Variants in APOBEC3G observed in about 807,000 individuals in gnomAD.
APOBEC3G encodes the protein apolipoprotein B mRNA editing enzyme catalytic subunit 3G.
Under a neutral mutation model 50.0 loss-of-function variants are expected in APOBEC3G, and 44 were observed. The ratio of observed to expected loss-of-function variants is 0.88; its 90% CI spans 0.69 to 1.13. The LOEUF (loss-of-function observed/expected upper bound fraction) is 1.13. APOBEC3G is among the 50% of genes most tolerant of loss of function. The probability of loss-of-function intolerance (pLI) is 0.00; values close to 1 mark genes in which losing one functional copy is unlikely to be tolerated. For missense variants in APOBEC3G, 469 were observed against 492.0 expected, an observed-to-expected ratio of 0.95 and a Z score of 0.44; for synonymous variants, 156 against 175.3, an observed-to-expected ratio of 0.89 and a Z score of 0.87.
At chr22:39,078,045 C>T (rs893183675) in intron 1 of APOBEC3G, among the ~76,000 whole-genome samples, 7 of 152,256 alleles carry the variant, frequency 4.6e-5, no homozygotes, top group South Asian at 2.1e-4. Flanking sequence ...GGATCGCCTG[C>T]GGTCAGGAGT....
In APOBEC3G at chr22:39,078,957, G is replaced by T; in HGVS notation, c.43G>T (p.Asp15Tyr). The T allele has an allele frequency of 1.9e-6, 3 of 1,614,114 alleles. No individual in the cohort carries two copies. The highest frequency in any genetic ancestry group is 2.5e-6 in the Non-Finnish European group (3 of 1,179,986). ...FRNTVERMYRDTFSYNFYNRP... is the reference protein window; with the variant it reads ...FRNTVERMYRYTFSYNFYNRP... ...AAACACAGTGGAGCGAATGTATCGA[G>T]ACACATTCTCCTACAACTTTTATAA... Residue 15 changes from aspartate to tyrosine, a missense_variant, in exon 2 of 8, where the codon GAC (aspartate) becomes TAC (tyrosine). Transcript: ENST00000407997.
intron 4 of APOBEC3G, 110 bp from the exon 5 acceptor site, chr22:39,083,621 C>T (rs973305190): frequency 8.5e-6 from 11 of 1,288,414 alleles, no homozygotes; most frequent in African/African-American, 5.0e-5. Context: ...TGTGGGGAGC[C>T]GGGGGAAGGA....
chr22:39,081,165 T>C lies in APOBEC3G; in HGVS notation c.404T>C (p.Leu135Pro). The C allele has an allele frequency of 6.2e-7, 1 of 1,614,242 alleles. No individual in the cohort carries two copies. The highest frequency in any genetic ancestry group is 8.5e-7 in the Non-Finnish European group (1 of 1,180,048). The change falls in exon 3 of 8, where the codon CTT becomes CCT. Residue 135 changes from leucine (L) to proline (P), a missense_variant. Leu to Pro is a moderately conservative substitution (Grantham distance 98, BLOSUM62 -3). Coordinates refer to ENST00000407997, the MANE Select transcript of APOBEC3G (RefSeq NM_021822.4). The part of the protein sequence containing the change: ...YFWDPDYQEA[L>P]RSLCQKRDGP... ...TGGGACCCAGATTACCAGGAGGCGCTTCGCAGCCTGTGTCAGAAAAGAGAC... is the reference window on the plus strand; with the variant it reads ...TGGGACCCAGATTACCAGGAGGCGCCTCGCAGCCTGTGTCAGAAAAGAGAC...
At chr22:39,079,151 C>T in intron 2 of APOBEC3G, 66 bp downstream of exon 2, 1 of 1,566,906 alleles carries the variant, frequency 6.4e-7, no homozygotes, top group Non-Finnish European at 8.6e-7. Context: ...AAACCACGCA[C>T]TGATAAGTGA....
chr22:39,083,540 A>G (rs2146298490), intron 4 of APOBEC3G, among the ~76,000 whole-genome samples, 191 bp from the exon 5 acceptor site: 1 of 152,278 alleles, frequency 6.6e-6, no homozygotes, highest in South Asian at 2.1e-4. Flanking sequence ...TGAGCCCCAG[A>G]AGGGGTCAGA....
chr22:39,086,715 C>T, intron 6 of APOBEC3G, 148 bp downstream of exon 6: 2 of 1,153,430 alleles, frequency 1.7e-6, no homozygotes, highest in South Asian at 1.6e-5. Context: ...CTGGACCTGA[C>T]TTTGGGGTCG....
rs1928727776 is a variant in APOBEC3G, at chr22:39,087,068, G to T, written c.1082G>T (p.Trp361Leu). The change falls in exon 7 of 8, where the codon TGG (tryptophan) becomes TTG (leucine). Residue 361 changes from tryptophan (W) to leucine (L), a missense_variant. Transcript: ENST00000407997. ...CACCAGGGATGTCCCTTCCAGCCCTGGGATGGACTAGATGAGCACAGCCAA... is the reference window on the plus strand; with the variant it reads ...CACCAGGGATGTCCCTTCCAGCCCTTGGATGGACTAGATGAGCACAGCCAA... ...VDHQGCPFQP[W>L]DGLDEHSQDL... 1.2e-6 allele frequency: 2 copies of T among 1,613,592 alleles called. No individual in the cohort carries two copies. Among genetic ancestry groups the T allele is most frequent in the African/African-American group, 2.7e-5 (2 of 74,892 alleles).
At chr22:39,077,644 G>A (rs56268230) in intron 1 of APOBEC3G, among the ~76,000 whole-genome samples, 62 of 151,724 alleles carry the variant, frequency 4.1e-4, no homozygotes, top group Non-Finnish European at 8.7e-4. Context: ...TGGCTGGGGT[G>A]GTGCTCCCGG....
At chr22:39,083,404 G>A (rs112411970) in intron 4 of APOBEC3G, among the ~76,000 whole-genome samples, 2 of 152,304 alleles carry the variant, frequency 1.3e-5, no homozygotes, top group African/African-American at 4.8e-5. Flanking sequence ...CAGGACTGGG[G>A]TCTATGGTGA....
At position 39,086,310 on chromosome 22, in the gene APOBEC3G, G is replaced by A. The variant is rs17000736; in HGVS notation, c.767G>A (p.Arg256His). 1,228 of 1,597,250 alleles carry A rather than the reference G, an allele frequency of 7.7e-4. 12 individuals are homozygous for A. The African/African-American group carries it at 0.014, about 18-fold the overall frequency. Reference sequence around the variant, plus strand: ...CATAAACACGGTTTCCTTGAAGGCCGCCATGCAGAGCTGTGCTTCCTGGAC... The same window carrying A: ...CATAAACACGGTTTCCTTGAAGGCCACCATGCAGAGCTGTGCTTCCTGGAC... The part of the protein sequence containing the change: ...APHKHGFLEG[R>H]HAELCFLDVI... The change falls in exon 6 of 8, where the codon CGC becomes CAC. Residue 256 changes from arginine to histidine, a missense_variant. Transcript: ENST00000407997.
chr22:39,086,638 G>C (rs1971705540), intron 6 of APOBEC3G, 71 bp downstream of exon 6: 3 of 1,520,904 alleles, frequency 2.0e-6, no homozygotes, highest in Non-Finnish European at 2.6e-6. Context: ...TTACTAGAAA[G>C]TGGGGAGGGT....
At position 39,077,510 on chromosome 22, in the gene APOBEC3G, A is replaced by G. The variant is rs569111425; in HGVS notation, c.17+132A>G. On this transcript the variant is annotated intron_variant, in intron 1 of 7. Transcript: ENST00000407997. ...GCTCCCTCCCCTCTGACTCCCCTGC[A>G]CCCCCTACTCCCAGCCAGGCTCCTT... is the stretch of plus-strand genomic sequence containing the variant. 1.7e-4 allele frequency: 243 copies of G among 1,466,440 alleles called. 1 individual carries two copies. In the African/African-American group the frequency reaches 3.2e-3, roughly 19 times the overall value. The allele number at this position is 1,466,440 out of a possible 1,614,324, so 90.8% of individuals were successfully genotyped here.
At chr22:39,079,322 C>CA in intron 2 of APOBEC3G, 1 of 427,372 alleles carries the variant, frequency 2.3e-6, no homozygotes, top group Non-Finnish European at 4.0e-6. Flanking sequence ...TTTCTTTTTT[C>CA]TTTTTTTTTT....
At chr22:39,086,030 C>T (rs561608057) in intron 5 of APOBEC3G, among the ~76,000 whole-genome samples, 1 of 146,578 alleles carries the variant, frequency 6.8e-6, no homozygotes, top group African/African-American at 2.5e-5. Flanking sequence ...CTCGGCCGGG[C>T]GCTGTGGCTC....
intron 1 of APOBEC3G, 111 bp downstream of exon 1, chr22:39,077,489 C>T (rs1457865271): frequency 3.9e-6 from 6 of 1,529,096 alleles, no homozygotes; most frequent in Non-Finnish European, 4.4e-6. Flanking sequence ...CCCTGGGCTC[C>T]CTCCCCTCTG....
rs767124242 is a variant in APOBEC3G at position 39,079,086 on chromosome 22, G to T, written c.171+1G>T. 17 of 1,613,880 alleles carry T rather than the reference G, an allele frequency of 1.1e-5. No individual in the cohort carries two copies. In the African/African-American group the frequency reaches 1.9e-4, roughly 18 times the overall value. ...GGACGCAAAGATCTTTCGAGGCCAGGTACCACCCGGACTCCAATCACTTTG... is the reference window on the plus strand; with the variant it reads ...GGACGCAAAGATCTTTCGAGGCCAGTTACCACCCGGACTCCAATCACTTTG... On this transcript the variant is annotated splice_donor_variant, in intron 2 of 7. Transcript: ENST00000407997. LOFTEE classifies it high-confidence loss of function.
chr22:39,084,107 C>T (rs1928595065), intron 5 of APOBEC3G, among the ~76,000 whole-genome samples: 1 of 152,184 alleles, frequency 6.6e-6, no homozygotes, highest in East Asian at 1.9e-4. Context: ...CCACATGTCT[C>T]AGGGGCTAAC....
chr22:39,078,778 T>A, intron 1 of APOBEC3G, 154 bp from the exon 2 acceptor site: 1 of 1,055,796 alleles, frequency 9.5e-7, no homozygotes, highest in Non-Finnish European at 1.3e-6. Flanking sequence ...AGTGGCGCGA[T>A]CTTGGCTCAC....
Position 39,077,308 on chromosome 22 carries a change from A to G in APOBEC3G, c.-54A>G. On this transcript the variant is annotated 5_prime_UTR_variant, in exon 1 of 8. Coordinates refer to ENST00000407997, the MANE Select transcript of APOBEC3G (RefSeq NM_021822.4). ...CTAAAACCAGAAGCTTGGAGCAGAA[A>G]GTGAAACCCTGGTGCTCCAGACAAA... The G allele has an allele frequency of 6.4e-7, 1 of 1,557,238 alleles. No homozygotes were observed. The highest frequency in any genetic ancestry group is 2.4e-5 in the East Asian group (1 of 41,910).
Sources: gnomAD v4.1 joint callset for allele counts (sites outside exome capture counted in the v4.1 genomes callset) on GRCh38, gnomAD v4.1.1 for gene constraint, MANE v1.5 for transcripts, NCBI Gene and HGNC (gene_info 2026-07-23, HGNC 2026-07-21) for gene names.